PARP1: variants seen among roughly 807,000 people sequenced by gnomAD.
PARP1 encodes poly(ADP-ribose) polymerase 1.
Under a neutral mutation model 118.7 loss-of-function variants are expected in PARP1, and 44 were observed. The observed-to-expected ratio is 0.37, with a 90% CI of 0.29 to 0.48. The LOEUF (loss-of-function observed/expected upper bound fraction) is 0.48. PARP1 is among the 20% of genes least tolerant of loss of function. PARP1 has a pLI of 0.99. For missense variants in PARP1, 1,100 were observed against 1,272.4 expected (o/e 0.86, Z 2.06); for synonymous variants, 492 against 483.2 (o/e 1.02, Z -0.24).
intron 14 of PARP1, among the ~76,000 whole-genome samples, chr1:226,371,774 G>A (rs931043502): frequency 2.6e-5 from 4 of 152,184 alleles, no homozygotes; most frequent in South Asian, 2.1e-4. Context: ...TCTGAAGGGC[G>A]CGACATTTTC....
At chr1:226,364,304 C>T (rs570426979) in intron 19 of PARP1, 16 of 475,162 alleles carry the variant, frequency 3.4e-5, no homozygotes, top group Non-Finnish European at 5.9e-5. Context: ...CCTCTCTGGA[C>T]TCTACTTGCC....
At position 226,364,483 on chromosome 1, in the gene PARP1, G is replaced by A. The variant is rs930892755; in HGVS notation, c.2659-413C>T. On this transcript the variant is annotated intron_variant, in intron 19 of 22. Transcript: ENST00000366794. Reference sequence around the variant, plus strand: ...TTCACAAAGGGTAGGCCATTTGCCCGTTATACACTACTGCACAGCCCCAGA... The same window carrying A: ...TTCACAAAGGGTAGGCCATTTGCCCATTATACACTACTGCACAGCCCCAGA... The A allele has an allele frequency of 3.6e-5, 12 of 333,882 alleles. No homozygotes were observed. The East Asian group carries it at 6.7e-4, about 19-fold the overall frequency. The allele number at this position is 333,882 out of a possible 1,614,324, so 20.7% of individuals were successfully genotyped here. A position where few individuals can be genotyped will look rare whatever the true frequency, so the allele number is the denominator to read the frequency against.
At chr1:226,380,299 T>TTGG in intron 9 of PARP1, 135 bp from the exon 10 acceptor site, 1 of 891,192 alleles carries the variant, frequency 1.1e-6, no homozygotes, top group Non-Finnish European at 1.8e-6. Flanking sequence ...CCAAGTCTAA[T>TTGG]GCTCCCAAGA....
chr1:226,386,388 T>C lies in PARP1; in HGVS notation c.772A>G (p.Thr258Ala), dbSNP rs1365598058. 1.2e-6 allele frequency: 2 copies of C among 1,614,160 alleles called. No individual in the cohort carries two copies. Among genetic ancestry groups the C allele is most frequent in the Admixed American group, 1.7e-5 (1 of 60,024 alleles). The change falls in exon 6 of 23, where the codon ACT becomes GCT. Residue 258 changes from threonine (T) to alanine (A), a missense_variant. Physicochemically the swap from Thr to Ala is moderately conservative, Grantham distance 58. Coordinates refer to ENST00000366794, the MANE Select transcript of PARP1 (RefSeq NM_001618.4). ...IKDELKKVCSTNDLKELLIFN... is the reference protein window; with the variant it reads ...IKDELKKVCSANDLKELLIFN... The stretch of plus-strand genomic sequence containing the variant: ...ATGAGTAGCTCCTTCAGGTCATTAG[T>C]TGAACACACTTTCTTTAGCTCGTCC...
chr1:226,381,156 G>A lies in PARP1; in HGVS notation c.1212C>T (p.Asn404=), dbSNP rs771256880. Residue 404 remains asparagine, a synonymous_variant, in exon 9 of 23, where the codon AAC becomes AAT. Transcript: ENST00000366794. ...KILTLGKLSR[N]KDEVKAMIEK... ...CAATCATGGCCTTCACTTCATCCTT[G>A]TTCCGGGACAGCTTCCCGAGAGTCA... is the stretch of plus-strand genomic sequence containing the variant. The A allele has an allele frequency of 1.2e-6, 2 of 1,614,122 alleles. No homozygotes were observed. The highest frequency in any genetic ancestry group is 1.7e-5 in the Admixed American group (1 of 60,024).
At chr1:226,392,112 C>G (rs1014094414) in intron 3 of PARP1, 87 bp downstream of exon 3, 10 of 920,878 alleles carry the variant, frequency 1.1e-5, no homozygotes, top group Non-Finnish European at 1.6e-5. Flanking sequence ...CCCTAAAGCC[C>G]CCATTTCTTC....
At chr1:226,379,671 G>C (rs1664566660) in intron 10 of PARP1, 30 bp from the exon 11 acceptor site, 2 of 1,544,508 alleles carry the variant, frequency 1.3e-6, no homozygotes, top group Non-Finnish European at 1.8e-6. Flanking sequence ...ATGTAAACAT[G>C]AAGTTAAATG....
chr1:226,368,694 T>C (rs1454717262), intron 15 of PARP1, among the ~76,000 whole-genome samples: 1 of 152,196 alleles, frequency 6.6e-6, no homozygotes, highest in Non-Finnish European at 1.5e-5. Flanking sequence ...GTTTGAAACA[T>C]TTTCATAATA....
At chr1:226,367,263 T>C in intron 17 of PARP1, 1 of 588,658 alleles carries the variant, frequency 1.7e-6, no homozygotes, top group Non-Finnish European at 3.0e-6. Flanking sequence ...AAGGCTGCCT[T>C]GCAAACAAGG....
intron 1 of PARP1, among the ~76,000 whole-genome samples, chr1:226,404,450 C>T (rs561870259): frequency 1.1e-4 from 17 of 152,352 alleles, no homozygotes; most frequent in African/African-American, 4.1e-4. Flanking sequence ...TCCAGTTACC[C>T]TTGTATAAAG....
chr1:226,365,640 G>A (rs1026834806), intron 18 of PARP1, among the ~76,000 whole-genome samples: 1 of 151,902 alleles, frequency 6.6e-6, no homozygotes, highest in Non-Finnish European at 1.5e-5. Context: ...GGTGGCTCAC[G>A]CCTGTAATCC....
chr1:226,407,746 T>C (rs2102750170), intron 1 of PARP1, 64 bp downstream of exon 1: 6 of 985,134 alleles, frequency 6.1e-6, no homozygotes, highest in Non-Finnish European at 8.6e-6. Flanking sequence ...TCCCCCAGCC[T>C]TCCCGGACAC....
chr1:226,373,865 C>T (rs970344675), intron 14 of PARP1, among the ~76,000 whole-genome samples: 1 of 152,112 alleles, frequency 6.6e-6, no homozygotes, highest in Non-Finnish European at 1.5e-5. Flanking sequence ...CACCTATATT[C>T]CTAGCATTTG....
chr1:226,366,123 T>C, intron 17 of PARP1, 71 bp from the exon 18 acceptor site: 2 of 1,000,926 alleles, frequency 2.0e-6, no homozygotes. Flanking sequence ...ATGCTCAGGC[T>C]CAGTCAATGC....
At chr1:226,399,941 T>C (rs1268475201) in intron 2 of PARP1, among the ~76,000 whole-genome samples, 11 of 149,864 alleles carry the variant, frequency 7.3e-5, no homozygotes, top group African/African-American at 2.5e-4. Flanking sequence ...AGGCGGAGCT[T>C]ACGGTGAGCC....
At chr1:226,402,062 G>C in intron 2 of PARP1, 152 bp downstream of exon 2, 1 of 1,556,362 alleles carries the variant, frequency 6.4e-7, no homozygotes, top group Non-Finnish European at 8.7e-7. Flanking sequence ...AGTCCAGGAG[G>C]TGTTGCTGAA....
At chr1:226,382,085 C>G (rs564739527) in intron 8 of PARP1, among the ~76,000 whole-genome samples, 2 of 152,330 alleles carry the variant, frequency 1.3e-5, no homozygotes, top group East Asian at 3.9e-4. Context: ...CCAGCACACA[C>G]TGCAGTGACC....
intron 1 of PARP1, among the ~76,000 whole-genome samples, chr1:226,405,240 TAAAG>T (rs1665121383): frequency 6.6e-6 from 1 of 152,178 alleles, no homozygotes; most frequent in Non-Finnish European, 1.5e-5. Flanking sequence ...CTTTTAATAA[TAAAG>T]AGTTTCTTTC....
chr1:226,390,366 C>G (rs769892555), intron 4 of PARP1, 44 bp downstream of exon 4: 1 of 1,557,648 alleles, frequency 6.4e-7, no homozygotes, highest in Non-Finnish European at 8.8e-7. Flanking sequence ...CTCCCTTGAA[C>G]CCCTCACTGA....
Sources: gnomAD v4.1 joint callset for allele counts (sites outside exome capture counted in the v4.1 genomes callset) on GRCh38, gnomAD v4.1.1 for gene constraint, MANE v1.5 for transcripts, NCBI Gene and HGNC (gene_info 2026-07-23, HGNC 2026-07-21) for gene names.